The following PTPRM variants were observed in gnomAD, a reference collection of about 807,000 sequenced individuals.
The protein encoded by PTPRM is protein tyrosine phosphatase receptor type M, also known as receptor-type tyrosine-protein phosphatase mu.
PTPRM carries 47 observed loss-of-function variants against 186.7 expected under a neutral mutation model. That is an observed-to-expected ratio of 0.25 (90% CI 0.20 to 0.32). PTPRM has a LOEUF of 0.32. Among genes scored for constraint, PTPRM ranks in the 10% least tolerant of loss-of-function variants. The pLI is 1.00. For synonymous variants in PTPRM, 668 were observed against 674.9 expected (o/e 0.99, Z 0.16); for missense variants, 1,494 against 1,865.0 (o/e 0.80, Z 3.66).
chr18:7,966,497 G>C (rs1231431187), intron 7 of PTPRM, among the ~76,000 whole-genome samples: 3 of 151,948 alleles, frequency 2.0e-5, no homozygotes, highest in Admixed American at 2.0e-4. Context: ...AGCTCCCAGC[G>C]TGAGCGACGC....
At chr18:8,332,153 A>G (rs189417482) in intron 22 of PTPRM, among the ~76,000 whole-genome samples, 1 of 152,344 alleles carries the variant, frequency 6.6e-6, no homozygotes, top group Non-Finnish European at 1.5e-5. Flanking sequence ...GACATACTAA[A>G]TAATATCTAC....
chr18:7,763,247 C>T (rs1012692309), intron 1 of PTPRM, among the ~76,000 whole-genome samples: 1 of 152,038 alleles, frequency 6.6e-6, no homozygotes, highest in Non-Finnish European at 1.5e-5. Context: ...TTATTTGGAC[C>T]CCAGTGAAAT....
At chr18:7,648,362 G>T (rs1019954859) in intron 1 of PTPRM, among the ~76,000 whole-genome samples, 2 of 152,052 alleles carry the variant, frequency 1.3e-5, no homozygotes, top group Non-Finnish European at 2.9e-5. Context: ...ACCCCACAGT[G>T]GCCTCTAAGT....
intron 19 of PTPRM, among the ~76,000 whole-genome samples, chr18:8,288,668 G>A (rs1410882837): frequency 6.6e-6 from 1 of 152,152 alleles, no homozygotes; most frequent in Non-Finnish European, 1.5e-5. Context: ...TCACTCACTT[G>A]AAGGATATGT....
rs375670419 is a variant in PTPRM, at chr18:7,720,235, A to G, written c.74-53914A>G. The stretch of plus-strand genomic sequence containing the variant: ...TTGATGATTTGATTCTAATATCCAC[A>G]TATAAAATAAACGTACAAAAATAGG... On this transcript the variant is annotated intron_variant, in intron 1 of 32. Transcript: ENST00000580170. 2.6e-5 allele frequency among the ~76,000 whole-genome samples: 4 copies of G among 152,338 alleles called. No individual in the cohort carries two copies. In the East Asian group the frequency reaches 5.8e-4, roughly 22 times the overall value.
chr18:8,109,300 A>G (rs546599119), intron 11 of PTPRM, among the ~76,000 whole-genome samples: 2 of 152,326 alleles, frequency 1.3e-5, no homozygotes, highest in Admixed American at 1.3e-4. Context: ...AAAGGGGACT[A>G]GAAAAGAGCT....
chr18:8,265,917 T>C (rs2094695015), intron 19 of PTPRM, among the ~76,000 whole-genome samples: 1 of 152,152 alleles, frequency 6.6e-6, no homozygotes. Flanking sequence ...ATGGATGGAA[T>C]GTTTTTCAGT....
chr18:7,956,823 A>G (rs2053343242), intron 7 of PTPRM, among the ~76,000 whole-genome samples: 1 of 152,226 alleles, frequency 6.6e-6, no homozygotes, highest in African/African-American at 2.4e-5. Context: ...AACAATAGCT[A>G]TGGATAATAC....
At chr18:7,874,600 G>C (rs557356570) in intron 2 of PTPRM, among the ~76,000 whole-genome samples, 5 of 151,390 alleles carry the variant, frequency 3.3e-5, no homozygotes, top group African/African-American at 1.2e-4. Flanking sequence ...TGAAAAACGA[G>C]TTTTAAAACC....
chr18:8,011,916 C>T (rs991768345), intron 7 of PTPRM, among the ~76,000 whole-genome samples: 2 of 152,162 alleles, frequency 1.3e-5, no homozygotes, highest in African/African-American at 4.8e-5. Context: ...GTAACATGAC[C>T]AAATTATACG....
intron 1 of PTPRM, among the ~76,000 whole-genome samples, chr18:7,644,020 T>C (rs1309229302): frequency 1.3e-5 from 2 of 152,306 alleles, no homozygotes; most frequent in Admixed American, 6.5e-5. Context: ...ATGTTTTCTC[T>C]TTTCAAATGA....
chr18:8,274,454 A>T (rs891556985), intron 19 of PTPRM, among the ~76,000 whole-genome samples: 1 of 152,158 alleles, frequency 6.6e-6, no homozygotes, highest in East Asian at 1.9e-4. Context: ...TGCTTTTCCA[A>T]TGCTTTTCCC....
At chr18:7,764,696 G>C (rs951957641) in intron 1 of PTPRM, among the ~76,000 whole-genome samples, 7 of 152,180 alleles carry the variant, frequency 4.6e-5, no homozygotes, top group African/African-American at 1.7e-4. Flanking sequence ...GGTGATGGTG[G>C]CTTGTCCAGG....
chr18:7,846,686 A>G (rs534821439), intron 2 of PTPRM, among the ~76,000 whole-genome samples: 1 of 152,326 alleles, frequency 6.6e-6, no homozygotes, highest in East Asian at 1.9e-4. Context: ...AGGGAAGCGC[A>G]CAGCCCTGGA....
At chr18:7,775,348 C>G (rs1416088268) in intron 2 of PTPRM, among the ~76,000 whole-genome samples, 3 of 152,172 alleles carry the variant, frequency 2.0e-5, no homozygotes, top group African/African-American at 7.2e-5. Flanking sequence ...TTTTCTGTGT[C>G]TCTTGTTTTC....
At chr18:8,289,617 T>TAC (rs1555845894) in intron 19 of PTPRM, among the ~76,000 whole-genome samples, 10 of 109,288 alleles carry the variant, frequency 9.2e-5, no homozygotes, top group Admixed American at 1.8e-4. Flanking sequence ...CATATATATA[T>TAC]ACACATATAT....
intron 8 of PTPRM, among the ~76,000 whole-genome samples, chr18:8,071,376 C>A (rs945677005): frequency 1.3e-5 from 2 of 152,100 alleles, no homozygotes; most frequent in African/African-American, 2.4e-5. Context: ...TATTCAAATC[C>A]TTATTATTTT....
At chr18:8,280,069 C>T (rs555111690) in intron 19 of PTPRM, among the ~76,000 whole-genome samples, 50 of 148,844 alleles carry the variant, frequency 3.4e-4, no homozygotes, top group African/African-American at 1.0e-3. Flanking sequence ...GGGAAGTGTA[C>T]GCATCTGCTA....
chr18:8,002,408 G>C (rs576257282), intron 7 of PTPRM, among the ~76,000 whole-genome samples: 44 of 152,302 alleles, frequency 2.9e-4, no homozygotes, highest in African/African-American at 1.0e-3. Context: ...AAGTAAGCAA[G>C]ACTTGAAACA....
Sources: allele counts gnomAD v4.1 joint callset (sites outside exome capture counted in the v4.1 genomes callset), GRCh38; gene constraint gnomAD v4.1.1; transcripts MANE v1.5; gene names NCBI Gene and HGNC (gene_info 2026-07-23, HGNC 2026-07-21).